CASP8: variants seen among roughly 807,000 people sequenced by gnomAD.
The protein encoded by CASP8 is caspase-8.
Under a neutral mutation model 46.3 loss-of-function variants are expected in CASP8, and 24 were observed. The observed-to-expected ratio is 0.52, with a 90% CI of 0.38 to 0.73. The LOEUF (loss-of-function observed/expected upper bound fraction) is 0.73. Among genes scored for constraint, CASP8 ranks in the 30% least tolerant of loss-of-function variants. The probability of loss-of-function intolerance (pLI) is 0.00; values close to 1 mark genes in which losing one functional copy is unlikely to be tolerated. For missense variants in CASP8, 460 were observed against 559.0 expected (o/e 0.82, Z 1.79); for synonymous variants, 188 against 200.4 (o/e 0.94, Z 0.52).
At chr2:201,269,886 A>ATT (rs1294094830) in intron 2 of CASP8, among the ~76,000 whole-genome samples, 1 of 152,224 alleles carries the variant, frequency 6.6e-6, no homozygotes, top group East Asian at 1.9e-4. Context: ...AAAAGGGTAA[A>ATT]TACCTTGTAA....
chr2:201,275,507 C>A (rs1356634078), intron 6 of CASP8, among the ~76,000 whole-genome samples: 1 of 152,224 alleles, frequency 6.6e-6, no homozygotes, highest in East Asian at 1.9e-4. Flanking sequence ...AGACGATCTG[C>A]TCCTCCTCAT....
At chr2:201,260,499 A>G (rs1050805252), upstream of CASP8, 1 of 982,918 alleles carries the variant, frequency 1.0e-6, no homozygotes, top group African/African-American at 1.7e-5. Flanking sequence ...CGAAACAGGA[A>G]GTAGAGCTGG....
Position 201,286,836 on chromosome 2 carries a change from G to T in CASP8, c.*242G>T. On this transcript the variant is annotated 3_prime_UTR_variant, in exon 9 of 9. Coordinates refer to ENST00000673742, the MANE Select transcript of CASP8 (RefSeq NM_001372051.1). The stretch of plus-strand genomic sequence containing the variant: ...GGGTTTCACTGTGTTAGCCAGGGTG[G>T]TCTTGATCTCCTGACCTCGTGATCC... The T allele has an allele frequency of 2.4e-6, 1 of 414,646 alleles. No homozygotes were observed. The highest frequency in any genetic ancestry group is 4.6e-6 in the Non-Finnish European group (1 of 219,676). The allele number at this position is 414,646 out of a possible 1,614,324, so 25.7% of individuals were successfully genotyped here.
intron 2 of CASP8, among the ~76,000 whole-genome samples, chr2:201,247,184 CTG>C: frequency 4.2e-5 from 4 of 94,682 alleles, no homozygotes; most frequent in Non-Finnish European, 7.6e-5. Context: ...GTGAGACTGT[CTG>C]TCTCAAAAAA....
At chr2:201,278,757 C>T (rs1948812309) in intron 7 of CASP8, among the ~76,000 whole-genome samples, 1 of 152,134 alleles carries the variant, frequency 6.6e-6, no homozygotes. Flanking sequence ...TTCTTGAACT[C>T]CTGACCTCAG....
chr2:201,264,722 C>T (rs1947673106), intron 1 of CASP8, among the ~76,000 whole-genome samples: 8 of 152,162 alleles, frequency 5.3e-5, no homozygotes, highest in Admixed American at 4.6e-4. Context: ...GTCTCAGCTA[C>T]TCAGCAGGCT....
intron 8 of CASP8, 37 bp downstream of exon 8, chr2:201,285,354 C>T (rs777103308): frequency 6.2e-7 from 1 of 1,608,798 alleles, no homozygotes; most frequent in South Asian, 1.1e-5. Flanking sequence ...CACTGTTACA[C>T]TACCTTCCCC....
intron 2 of CASP8, among the ~76,000 whole-genome samples, chr2:201,270,510 G>C (rs1285193897): frequency 6.6e-6 from 1 of 152,192 alleles, no homozygotes; most frequent in East Asian, 1.9e-4. Flanking sequence ...AAAATAAAAA[G>C]GGTACGGACC....
chr2:201,241,005 A>G (rs1946274500), intron 2 of CASP8: 1 of 152,222 alleles, frequency 6.6e-6, no homozygotes, highest in Non-Finnish European at 1.5e-5. Context: ...ACATACCCAA[A>G]CTTACAGGAT....
chr2:201,265,760 T>C (rs1947769116), intron 1 of CASP8, among the ~76,000 whole-genome samples: 1 of 152,144 alleles, frequency 6.6e-6, no homozygotes, highest in Non-Finnish European at 1.5e-5. Flanking sequence ...GTAGTTACTT[T>C]ATTGAGCTCC....
chr2:201,244,782 C>T (rs1432398293), intron 2 of CASP8, among the ~76,000 whole-genome samples: 2 of 152,154 alleles, frequency 1.3e-5, no homozygotes, highest in Non-Finnish European at 2.9e-5. Flanking sequence ...AATCTAATCT[C>T]TCACCTATCT....
chr2:201,276,486 C>T (rs549667772), intron 6 of CASP8, among the ~76,000 whole-genome samples: 4 of 152,254 alleles, frequency 2.6e-5, no homozygotes, highest in South Asian at 4.1e-4. Context: ...GTTAATACAC[C>T]GTAGTCCCTG....
At chr2:201,264,758 G>A (rs896725393) in intron 1 of CASP8, among the ~76,000 whole-genome samples, 2 of 152,186 alleles carry the variant, frequency 1.3e-5, no homozygotes, top group Admixed American at 6.5e-5. Flanking sequence ...CTCTAGCCTG[G>A]GAGGTGGAGG....
chr2:201,247,141 A>G (rs1364137595), intron 2 of CASP8, among the ~76,000 whole-genome samples: 1 of 148,682 alleles, frequency 6.7e-6, no homozygotes, highest in Non-Finnish European at 1.5e-5. Context: ...GTGAACCAAG[A>G]TCACACCACT....
chr2:201,276,232 T>G (rs1345324755), intron 6 of CASP8, among the ~76,000 whole-genome samples: 2 of 152,086 alleles, frequency 1.3e-5, no homozygotes, highest in Non-Finnish European at 2.9e-5. Context: ...TAACCTACAG[T>G]GTAGCCAGGA....
chr2:201,264,680 G>A (rs560692890), intron 1 of CASP8, among the ~76,000 whole-genome samples: 3 of 152,102 alleles, frequency 2.0e-5, no homozygotes, highest in African/African-American at 4.8e-5. Context: ...ACAGTAGCCA[G>A]TAATAGCCTG....
chr2:201,243,834 C>T (rs565105326), intron 2 of CASP8, among the ~76,000 whole-genome samples: 1 of 152,318 alleles, frequency 6.6e-6, no homozygotes, highest in African/African-American at 2.4e-5. Context: ...GTCCTGACTG[C>T]AGCTCCCCCA....
At position 201,247,168 on chromosome 2, in the gene CASP8, G is replaced by A. The variant is rs975515060; in HGVS notation, c.-27+13056G>A. ...CACACCACTGCACTCCAGGCTGGGC[G>A]GCAGAGTGAGACTGTCTGTCTCAAA... is the stretch of plus-strand genomic sequence containing the variant. On this transcript the variant is annotated intron_variant, in intron 2 of 6. Coordinates refer to the CASP8 transcript ENST00000264274. Among the ~76,000 whole-genome samples the A allele has an allele frequency of 8.9e-5, 13 of 145,532 alleles. No homozygotes were observed. The East Asian group carries it at 2.0e-3, about 22-fold the overall frequency.
chr2:201,234,353 C>T (rs547201486), intron 2 of CASP8, among the ~76,000 whole-genome samples: 3 of 152,276 alleles, frequency 2.0e-5, no homozygotes, highest in South Asian at 4.1e-4. Flanking sequence ...TCCTATAGTG[C>T]GGGACCCCAC....
Sources: allele counts gnomAD v4.1 joint callset (sites outside exome capture counted in the v4.1 genomes callset), GRCh38; gene constraint gnomAD v4.1.1; transcripts MANE v1.5; gene names NCBI Gene and HGNC (gene_info 2026-07-23, HGNC 2026-07-21).